DLGAP5: variants seen among roughly 807,000 people sequenced by gnomAD.
The protein encoded by DLGAP5 is DLG associated protein 5.
In DLGAP5, 90 loss-of-function variants were observed where a neutral mutation model predicts 99.6. The ratio of observed to expected loss-of-function variants is 0.90; its 90% CI spans 0.76 to 1.08. The LOEUF (loss-of-function observed/expected upper bound fraction) is 1.08, where lower values mean the gene tolerates loss of function less well. Among genes scored for constraint, DLGAP5 ranks in the 50% least tolerant of loss-of-function variants. The probability of loss-of-function intolerance (pLI) is 0.00; values close to 1 mark genes in which losing one functional copy is unlikely to be tolerated. For synonymous variants in DLGAP5, 311 were observed against 321.3 expected, an observed-to-expected ratio of 0.97 and a Z score of 0.34; for missense variants, 1,036 against 983.5, an observed-to-expected ratio of 1.05 and a Z score of -0.71.
intron 3 of DLGAP5, among the ~76,000 whole-genome samples, chr14:55,183,173 A>G (rs1406203206): frequency 6.6e-6 from 1 of 152,116 alleles, no homozygotes. Context: ...TAGTCTCACA[A>G]TTGGTCTCCC....
intron 13 of DLGAP5, among the ~76,000 whole-genome samples, 197 bp downstream of exon 13, chr14:55,162,774 C>T (rs1300658336): frequency 6.6e-6 from 1 of 152,050 alleles, no homozygotes; most frequent in Non-Finnish European, 1.5e-5. Flanking sequence ...GATTTCCTTG[C>T]TCTTTCTTCA....
chr14:55,176,849 G>T (rs1308309642), intron 8 of DLGAP5, among the ~76,000 whole-genome samples: 1 of 151,666 alleles, frequency 6.6e-6, no homozygotes, highest in African/African-American at 2.4e-5. Context: ...GTGGTGACGG[G>T]CGCCTGTAGT....
Position 55,169,668 on chromosome 14 carries a change from T to C in DLGAP5, c.1388-109A>G, listed in dbSNP as rs200795804. 3.1e-4 allele frequency: 292 copies of C among 953,940 alleles called. No individual in the cohort carries two copies. In the East Asian group the frequency reaches 3.5e-3, roughly 11 times the overall value. The allele number at this position is 953,940 out of a possible 1,614,324, so 59.1% of individuals were successfully genotyped here. On this transcript the variant is annotated intron_variant, in intron 11 of 18. Coordinates refer to ENST00000247191, the MANE Select transcript of DLGAP5 (RefSeq NM_014750.5). ...CAAACATCCTAGGGCCTACAGGTTG[T>C]TAAGCAAAACAAAAAATATCTACCA... is the stretch of plus-strand genomic sequence containing the variant.
intron 18 of DLGAP5, chr14:55,148,746 A>T: frequency 2.0e-6 from 1 of 495,254 alleles, no homozygotes; most frequent in Middle Eastern, 3.0e-4. Flanking sequence ...AAAATTATAA[A>T]CAACAATGAT....
intron 14 of DLGAP5, 111 bp from the exon 15 acceptor site, chr14:55,154,917 G>T: frequency 2.2e-6 from 2 of 906,564 alleles, no homozygotes; most frequent in Non-Finnish European, 3.3e-6. Context: ...GTCAAATAAT[G>T]TCTGTTAAAG....
chr14:55,153,557 T>A (rs1052031714), intron 15 of DLGAP5, among the ~76,000 whole-genome samples: 6 of 150,064 alleles, frequency 4.0e-5, no homozygotes, highest in Non-Finnish European at 7.4e-5. Flanking sequence ...AAAAAAAAAA[T>A]TTATCTCCAC....
At chr14:55,190,791 T>C (rs1883588879) in intron 1 of DLGAP5, among the ~76,000 whole-genome samples, 2 of 152,222 alleles carry the variant, frequency 1.3e-5, no homozygotes, top group South Asian at 2.1e-4. Flanking sequence ...GTGCTTTTCA[T>C]AAAGAACTGT....
At chr14:55,174,200 A>C (rs971372084) in intron 10 of DLGAP5, among the ~76,000 whole-genome samples, 10 of 152,158 alleles carry the variant, frequency 6.6e-5, no homozygotes, top group Non-Finnish European at 1.3e-4. Context: ...CTTACTGTCG[A>C]AACTGCAGGG....
At chr14:55,158,191 G>A (rs1239321866) in intron 14 of DLGAP5, among the ~76,000 whole-genome samples, 1 of 152,156 alleles carries the variant, frequency 6.6e-6, no homozygotes, top group South Asian at 2.1e-4. Context: ...TCATGCTTCC[G>A]TCATTTCTCT....
chr14:55,172,994 AAAAAAAAAAAG>A (rs904336208), intron 10 of DLGAP5, among the ~76,000 whole-genome samples: 1 of 150,942 alleles, frequency 6.6e-6, no homozygotes, highest in African/African-American at 2.4e-5. Flanking sequence ...AAAAAAAAAA[AAAAAAAAAAAG>A]AAGAGATAGC....
intron 15 of DLGAP5, among the ~76,000 whole-genome samples, chr14:55,154,337 GAGCACCAAAGTTGTAGTATGTTT>G (rs1278028086): frequency 3.9e-5 from 6 of 152,138 alleles, no homozygotes; most frequent in African/African-American, 1.4e-4. Context: ...CAGAACTGTT[GAGCACCAAAGTTGTAGTATGTTT>G]AGCACCAAAG....
chr14:55,155,873 G>A (rs1203490485), intron 14 of DLGAP5, among the ~76,000 whole-genome samples: 2 of 151,682 alleles, frequency 1.3e-5, no homozygotes, highest in Non-Finnish European at 2.9e-5. Flanking sequence ...TGGATCACGG[G>A]GCCAGAAGAT....
chr14:55,182,380 T>C lies in DLGAP5; in HGVS notation c.485A>G (p.Glu162Gly). The change falls in exon 4 of 19, where the codon GAG (glutamate) becomes GGG (glycine). Residue 162 changes from glutamate to glycine, a missense_variant. Coordinates refer to ENST00000247191, the MANE Select transcript of DLGAP5 (RefSeq NM_014750.5). ...ITRSKAKDQM[E>G]QTKIDNESDV... ...TACTATCAACTATACCTTAGTCTGC[T>C]CCATTTGGTCTTTGGCCTTTGACCT... 1 of 1,612,630 alleles carries C rather than the reference T, an allele frequency of 6.2e-7. No individual in the cohort carries two copies. Among genetic ancestry groups the C allele is most frequent in the South Asian group, 1.1e-5 (1 of 90,976 alleles).
chr14:55,156,777 A>G (rs1173779857), intron 14 of DLGAP5, among the ~76,000 whole-genome samples: 1 of 152,224 alleles, frequency 6.6e-6, no homozygotes, highest in Admixed American at 6.5e-5. Context: ...GAAAACATAA[A>G]AGCTATCATT....
chr14:55,156,541 T>G (rs1392328252), intron 14 of DLGAP5, among the ~76,000 whole-genome samples: 1 of 152,160 alleles, frequency 6.6e-6, no homozygotes, highest in Admixed American at 6.5e-5. Flanking sequence ...TGCAGTGATG[T>G]GTAGGTTCCC....
In DLGAP5 at chr14:55,151,745, G is replaced by T. The variant is rs751999434; in HGVS notation, c.2318C>A (p.Ala773Asp). 12 of 1,613,724 alleles carry T rather than the reference G, an allele frequency of 7.4e-6. No individual in the cohort carries two copies. In the East Asian group the frequency reaches 2.5e-4, roughly 33 times the overall value. The change falls in exon 17 of 19, where the codon GCT (alanine) becomes GAT (aspartate). Residue 773 changes from alanine (A) to aspartate (D), a missense_variant. Coordinates refer to ENST00000247191, the MANE Select transcript of DLGAP5 (RefSeq NM_014750.5). ...VLMSSPEKNTASQNSILEEGE... is the reference protein window; with the variant it reads ...VLMSSPEKNTDSQNSILEEGE... ...TTCTTCTAAGATGCTATTTTGTGAA[G>T]CTGTATTTTTTTCAGGGCTACTCAT... is the stretch of plus-strand genomic sequence containing the variant.
chr14:55,153,904 A>C (rs1168524502), intron 15 of DLGAP5, among the ~76,000 whole-genome samples: 1 of 151,984 alleles, frequency 6.6e-6, no homozygotes, highest in African/African-American at 2.4e-5. Context: ...AAAAATACAA[A>C]AATTAGCTGG....
Position 55,177,144 on chromosome 14 carries a change from A to T in DLGAP5, c.967T>A (p.Tyr323Asn). The T allele has an allele frequency of 6.2e-7, 1 of 1,601,070 alleles. No homozygotes were observed. The highest frequency in any genetic ancestry group is 8.5e-7 in the Non-Finnish European group (1 of 1,175,546). The change falls in exon 8 of 19, where the codon TAT becomes AAT. Residue 323 changes from tyrosine to asparagine, a missense_variant. Transcript: ENST00000247191. ...CTGGGAGTCATAGGTGTTACTTGAT[A>T]GGTCTTCAGACCATCCAGTGGCTGA... ...MFQPLDGLKT[Y>N]QVTPMTPRSA...
intron 2 of DLGAP5, among the ~76,000 whole-genome samples, chr14:55,184,250 G>A (rs1883364127): frequency 6.6e-6 from 1 of 152,146 alleles, no homozygotes; most frequent in Non-Finnish European, 1.5e-5. Context: ...TTGAGCCCAG[G>A]AGTTCAAGTT....
Sources: allele counts gnomAD v4.1 joint callset (sites outside exome capture counted in the v4.1 genomes callset), GRCh38; gene constraint gnomAD v4.1.1; transcripts MANE v1.5; gene names NCBI Gene and HGNC (gene_info 2026-07-23, HGNC 2026-07-21).